AKNA: variants seen among roughly 807,000 people sequenced by gnomAD.
AKNA encodes the protein microtubule organization protein AKNA.
AKNA carries 67 observed loss-of-function variants against 138.8 expected under a neutral mutation model. The observed-to-expected ratio is 0.48, with a 90% CI of 0.40 to 0.59. The LOEUF is 0.59. AKNA is among the 20% of genes least tolerant of loss of function. The pLI is 0.00. For synonymous variants in AKNA, 737 were observed against 754.4 expected (o/e 0.98, Z 0.38); for missense variants, 1,813 against 1,880.4 (o/e 0.96, Z 0.66).
In AKNA at chr9:114,377,426, C is replaced by T; in HGVS notation, c.381G>A (p.Gly127=). The T allele has an allele frequency of 6.2e-7, 1 of 1,613,754 alleles. No homozygotes were observed. Among genetic ancestry groups the T allele is most frequent in the Non-Finnish European group, 8.5e-7 (1 of 1,179,996 alleles). The change falls in exon 3 of 22, where the codon GGG becomes GGA. Residue 127 remains glycine (G), a synonymous_variant. Transcript: ENST00000374088. ...QLDMTEEEPD[G]TLGSLEVEEA... is the part of the protein sequence containing the mutation. Reference sequence around the variant, plus strand: ...CCTCAACCTCCAGACTTCCGAGGGTCCCATCTGGCTCCTCTTCAGTCATGT... The same window carrying T: ...CCTCAACCTCCAGACTTCCGAGGGTTCCATCTGGCTCCTCTTCAGTCATGT...
Position 114,381,466 on chromosome 9 carries a change from G to T in AKNA, c.-113-20C>A. 6.4e-6 allele frequency: 9 copies of T among 1,416,770 alleles called. No homozygotes were observed. The highest frequency in any genetic ancestry group is 8.3e-6 in the Non-Finnish European group (9 of 1,089,298). The allele number at this position is 1,416,770 out of a possible 1,614,324, so 87.8% of individuals were successfully genotyped here. ...TGTGCCCTGTCAGGGACACATTCAA[G>T]AGAGAACATTAATCAATCCTGATCC... On this transcript the variant is annotated intron_variant, in intron 1 of 21. Coordinates refer to ENST00000374088, the MANE Select transcript of AKNA (RefSeq NM_001317950.2).
At position 114,350,947 on chromosome 9, in the gene AKNA, G is replaced by T; in HGVS notation, c.3133C>A (p.Pro1045Thr). 1 of 1,612,834 alleles carries T rather than the reference G, an allele frequency of 6.2e-7. No individual in the cohort carries two copies. The highest frequency in any genetic ancestry group is 8.5e-7 in the Non-Finnish European group (1 of 1,179,532). The stretch of plus-strand genomic sequence containing the variant: ...GCAGCGGCAGGGGCGGGGGCTGGGG[G>T]TGGGCTGATTGTCTTGTTGGGAAGG... Reference protein sequence around the residue: ...QPLPNKTISPPPAPAPAAAPL... With the variant: ...QPLPNKTISPTPAPAPAAAPL... Residue 1045 changes from proline (P) to threonine (T), a missense_variant, in exon 15 of 22, where the codon CCC becomes ACC. Physicochemically the swap from Pro to Thr is conservative, Grantham distance 38. Transcript: ENST00000374088.
intron 15 of AKNA, among the ~76,000 whole-genome samples, chr9:114,350,578 G>A (rs916548080): frequency 2.0e-5 from 3 of 152,290 alleles, no homozygotes; most frequent in African/African-American, 4.8e-5. Context: ...GGCTTTTCTC[G>A]GAAAAGAGAT....
At chr9:114,343,316 G>C (rs79053101) in intron 19 of AKNA, among the ~76,000 whole-genome samples, 278 of 152,314 alleles carry the variant, frequency 1.8e-3, no homozygotes, top group African/African-American at 6.4e-3. Flanking sequence ...CAGCAAGTCA[G>C]TGGCAGAACT....
In AKNA at chr9:114,348,927, C is replaced by T. The variant is rs73551508; in HGVS notation, c.3222-1027G>A. The T allele has an allele frequency of 6.5e-3, 2,971 of 456,272 alleles. 65 individuals carry two copies. Among genetic ancestry groups the T allele is most frequent in the African/African-American group, 0.053 (2,637 of 50,176 alleles). The allele number at this position is 456,272 out of a possible 1,614,324, so 28.3% of individuals were successfully genotyped here. A position where few individuals can be genotyped will look rare whatever the true frequency, so the allele number is the denominator to read the frequency against. On this transcript the variant is annotated intron_variant, in intron 15 of 21. Transcript: ENST00000374088. ...CTCCTGGGTGAGTATCCCCTGGTGC[C>T]GCCTCCAGCAGACATGAGCGCTCAG...
Position 114,361,842 on chromosome 9 carries a change from G to T in AKNA, c.1986C>A (p.Thr662=), listed in dbSNP as rs756262177. The T allele has an allele frequency of 1.2e-5, 19 of 1,612,060 alleles. No homozygotes were observed. Among genetic ancestry groups the T allele is most frequent in the Middle Eastern group, 3.3e-4 (2 of 6,054 alleles). ...LEELKEHIDQ[T]QQEPEPPGSD... is the part of the protein sequence containing the mutation. ...ACCCGGGCGGCTCAGGCTCTTGCTG[G>T]GTCTGGTCTATGTGTTCCTTCAGCT... The change falls in exon 9 of 22, where the codon ACC becomes ACA. Residue 662 remains threonine (T), a synonymous_variant. Transcript: ENST00000374088.
At chr9:114,330,550 G>C (rs376538069), downstream of AKNA, 68 of 1,612,698 alleles carry the variant, frequency 4.2e-5, 1 homozygote, top group Non-Finnish European at 5.6e-5. Context: ...CAGAGGACAC[G>C]ATCTTTCTCA....
rs41278657 is a variant in AKNA at position 114,362,505 on chromosome 9, G to A, written c.1817C>T (p.Ala606Val). 40,941 of 1,613,158 alleles carry A rather than the reference G, an allele frequency of 0.025. 684 individuals are homozygous for A. The highest frequency in any genetic ancestry group is 0.029 in the Non-Finnish European group (33,816 of 1,179,722). ...KGFQRLKAAH[A>V]ALEEEYLKAC... ...CTTCAGGTACTCCTCCTCTAGGGCC[G>A]CGTGGGCAGCCTTCAGCCGCTGGAA... is the stretch of plus-strand genomic sequence containing the variant. Residue 606 changes from alanine to valine, a missense_variant, in exon 8 of 22, where the codon GCG (alanine) becomes GTG (valine). Physicochemically the swap from Ala to Val is moderately conservative, Grantham distance 64. Transcript: ENST00000374088.
rs768646955 is a variant in AKNA, at chr9:114,342,073, C to T, written c.3810G>A (p.Gln1270=). 1.4e-5 allele frequency: 23 copies of T among 1,613,192 alleles called. No individual in the cohort carries two copies. In the Admixed American group the frequency reaches 3.0e-4, roughly 21 times the overall value. The change falls in exon 20 of 22, where the codon CAG becomes CAA. Residue 1270 remains glutamine (Q), a synonymous_variant. Coordinates refer to ENST00000374088, the MANE Select transcript of AKNA (RefSeq NM_001317950.2). ...ACCCAACTTGACCACACAGGGGACA[C>T]TGAAGGGTATCAGCGGGAGGCGGTC... ...PLGPPPADTL[Q]CPLCGQVGSP...
chr9:114,368,480 C>T lies in AKNA; in HGVS notation c.1532G>A (p.Trp511Ter). 7.5e-7 allele frequency: 1 copy of T among 1,341,722 alleles called. No individual in the cohort carries two copies. The highest frequency in any genetic ancestry group is 9.7e-7 in the Non-Finnish European group (1 of 1,036,104). The allele number at this position is 1,341,722 out of a possible 1,614,324, so 83.1% of individuals were successfully genotyped here. ...CTGGGGGTCCTCGGCCGGGCCCGGC[C>T]ACCACTCTGCAGAGCGGGGCTGTGG... The part of the protein sequence containing the change: ...TIPQPRSAEW[W>*]PGPAEDPQAS... Residue 511 changes from tryptophan to a stop codon, truncating the protein, a stop_gained, in exon 5 of 22, where the codon TGG becomes TAG. Coordinates refer to ENST00000374088, the MANE Select transcript of AKNA (RefSeq NM_001317950.2). LOFTEE classifies it high-confidence loss of function.
chr9:114,342,132 G>C lies in AKNA; in HGVS notation c.3758-7C>G, dbSNP rs765350495. On this transcript the variant is annotated splice_region_variant and splice_polypyrimidine_tract_variant and intron_variant, in intron 19 of 21. Transcript: ENST00000374088. ...TCCCCTGTGACAGCACCACCTAGAA[G>C]AGGAGGAAGAGATGTCAGGGGAGGA... is the stretch of plus-strand genomic sequence containing the variant. 1 of 1,563,518 alleles carries C rather than the reference G, an allele frequency of 6.4e-7. No individual in the cohort carries two copies. Among genetic ancestry groups the C allele is most frequent in the Non-Finnish European group, 8.7e-7 (1 of 1,155,560 alleles).
chr9:114,339,835 C>T (rs1830222325), intron 21 of AKNA, among the ~76,000 whole-genome samples: 3 of 152,170 alleles, frequency 2.0e-5, no homozygotes, highest in Admixed American at 6.5e-5. Flanking sequence ...GGTGGCTACA[C>T]CTTGTAATGC....
In AKNA at chr9:114,335,968, A is replaced by C. The variant is rs1275874090; in HGVS notation, c.*1086T>G. ...GTTGAAAGATTTATGGTTCTGAGAT[A>C]GGCAAAGGGGGAAAACTGGAGAAAC... On this transcript the variant is annotated 3_prime_UTR_variant, in exon 22 of 22. Transcript: ENST00000374088. The C allele has an allele frequency of 6.6e-6, 1 of 152,134 alleles. No homozygotes were observed. Among genetic ancestry groups the C allele is most frequent in the Non-Finnish European group, 1.5e-5 (1 of 68,058 alleles). 9.4% of individuals were successfully genotyped at this position (152,134 alleles called of 1,614,324 possible). A position where few individuals can be genotyped will look rare whatever the true frequency, so the allele number is the denominator to read the frequency against.
At chr9:114,396,924 T>A (rs1481674899), upstream of AKNA, 1 of 152,234 alleles carries the variant, frequency 6.6e-6, no homozygotes, top group African/African-American at 2.4e-5. Context: ...GGGGGGAAAC[T>A]GAAGTGTCCA....
In AKNA at chr9:114,337,012, T is replaced by TGGGGGGGGGGGGGGGGCGC; in HGVS notation, c.*41_*42insGCGCCCCCCCCCCCCCCCC. The TGGGGGGGGGGGGGGGGCGC allele has an allele frequency of 8.3e-7, 1 of 1,208,224 alleles. No individual in the cohort carries two copies. Among genetic ancestry groups the TGGGGGGGGGGGGGGGGCGC allele is most frequent in the Non-Finnish European group, 1.1e-6 (1 of 929,350 alleles). 74.8% of individuals were successfully genotyped at this position (1,208,224 alleles called of 1,614,324 possible). ...CCCACTCCTGGCCTGGCAGGCCACCTGCCCACCCACCCACCCATCTGCCTC... is the reference window on the plus strand; with the variant it reads ...CCCACTCCTGGCCTGGCAGGCCACCTGGGGGGGGGGGGGGGGCGCGCCCACCCACCCACCCATCTGCCTC... On this transcript the variant is annotated 3_prime_UTR_variant, in exon 22 of 22. Coordinates refer to ENST00000374088, the MANE Select transcript of AKNA (RefSeq NM_001317950.2).
In AKNA at chr9:114,337,006, G is replaced by A. The variant is rs1830027535; in HGVS notation, c.*48C>T. On this transcript the variant is annotated 3_prime_UTR_variant, in exon 22 of 22. Coordinates refer to ENST00000374088, the MANE Select transcript of AKNA (RefSeq NM_001317950.2). ...CTCCAGCCCACTCCTGGCCTGGCAG[G>A]CCACCTGCCCACCCACCCACCCATC... 1 of 1,253,188 alleles carries A rather than the reference G, an allele frequency of 8.0e-7. No homozygotes were observed. Among genetic ancestry groups the A allele is most frequent in the Non-Finnish European group, 1.1e-6 (1 of 939,420 alleles). The allele number at this position is 1,253,188 out of a possible 1,614,324, so 77.6% of individuals were successfully genotyped here. A position where few individuals can be genotyped will look rare whatever the true frequency, so the allele number is the denominator to read the frequency against.
rs531729043 is a variant in AKNA at position 114,355,658 on chromosome 9, G to A, written c.3058+267C>T. 2.6e-4 allele frequency among the ~76,000 whole-genome samples: 39 copies of A among 152,334 alleles called. No homozygotes were observed. The South Asian group carries it at 7.9e-3, about 31-fold the overall frequency. ...GCTGTCTGTCGTTGAACAAAACGTT[G>A]CTATGCAGTGCATGACAGTATGTGT... On this transcript the variant is annotated intron_variant, in intron 14 of 21. Transcript: ENST00000374088.
chr9:114,352,578 C>G (rs1024455296), intron 14 of AKNA, among the ~76,000 whole-genome samples: 1 of 150,580 alleles, frequency 6.6e-6, no homozygotes, highest in Admixed American at 6.7e-5. Context: ...GCCTGGGGGA[C>G]AGAGTGAGAC....
chr9:114,382,617 T>C (rs992045006), intron 1 of AKNA, among the ~76,000 whole-genome samples: 22 of 148,670 alleles, frequency 1.5e-4, no homozygotes, highest in African/African-American at 5.2e-4. Flanking sequence ...GTAGCATTCC[T>C]GTACCCAACA....
Sources: allele counts gnomAD v4.1 joint callset (sites outside exome capture counted in the v4.1 genomes callset), GRCh38; gene constraint gnomAD v4.1.1; transcripts MANE v1.5; gene names NCBI Gene and HGNC (gene_info 2026-07-23, HGNC 2026-07-21).